Variants in ENTHD1 observed in about 807,000 individuals in gnomAD.
The protein encoded by ENTHD1 is ENTH domain containing 1.
A neutral mutation model predicts 39.1 loss-of-function variants in ENTHD1; 23 were observed. The ratio of observed to expected loss-of-function variants is 0.59; its 90% CI spans 0.42 to 0.83. ENTHD1 has a LOEUF of 0.83. Among genes scored for constraint, ENTHD1 ranks in the 40% least tolerant of loss-of-function variants. ENTHD1 has a pLI of 0.00. For synonymous variants in ENTHD1, 230 were observed against 258.2 expected, an observed-to-expected ratio of 0.89 and a Z score of 1.05; for missense variants, 624 against 705.4, an observed-to-expected ratio of 0.88 and a Z score of 1.31.
chr22:39,881,211 T>C (rs945731568), intron 2 of ENTHD1, among the ~76,000 whole-genome samples: 2 of 152,338 alleles, frequency 1.3e-5, no homozygotes, highest in African/African-American at 4.8e-5. Context: ...TGTCCTTCTA[T>C]AGCCTAGACA....
chr22:39,892,212 C>G (rs759320248), intron 1 of ENTHD1, among the ~76,000 whole-genome samples: 2 of 152,156 alleles, frequency 1.3e-5, no homozygotes, highest in Non-Finnish European at 2.9e-5. Context: ...CAAATGATTA[C>G]GTAGAAAAGG....
chr22:39,759,638 C>T (rs900702819), intron 6 of ENTHD1, among the ~76,000 whole-genome samples: 11 of 151,540 alleles, frequency 7.3e-5, no homozygotes, highest in Non-Finnish European at 1.5e-4. Flanking sequence ...TTCCTTTTTT[C>T]CAAGCATCTT....
chr22:39,776,510 G>A (rs2065366591), intron 5 of ENTHD1, among the ~76,000 whole-genome samples: 4 of 152,120 alleles, frequency 2.6e-5, no homozygotes, highest in Admixed American at 1.3e-4. Flanking sequence ...TTTTATACCT[G>A]CCAATATAAT....
chr22:39,808,087 G>A lies in ENTHD1; in HGVS notation c.832+12906C>T, dbSNP rs192856142. Among the ~76,000 whole-genome samples the A allele has an allele frequency of 3.7e-3, 561 of 152,146 alleles. 5 individuals carry two copies. The highest frequency in any genetic ancestry group is 0.012 in the African/African-American group (495 of 41,510). The stretch of plus-strand genomic sequence containing the variant: ...GCAAATTTTTAAAAATCTCTTTGTG[G>A]ACTTTCTTCATCTGTCTCATAAGAT... On this transcript the variant is annotated intron_variant, in intron 5 of 6. Transcript: ENST00000325157.
At chr22:39,840,758 T>A (rs1331285063) in intron 3 of ENTHD1, among the ~76,000 whole-genome samples, 2 of 150,032 alleles carry the variant, frequency 1.3e-5, no homozygotes, top group Admixed American at 6.6e-5. Context: ...TAGTTAAGCA[T>A]CTTTTTTTTT....
chr22:39,836,912 T>C (rs2065911231), intron 3 of ENTHD1, among the ~76,000 whole-genome samples: 1 of 152,222 alleles, frequency 6.6e-6, no homozygotes. Flanking sequence ...TCCTCAGCCA[T>C]GCTTCCTGTA....
chr22:39,885,386 A>AT (rs1190436068), intron 2 of ENTHD1, among the ~76,000 whole-genome samples: 4 of 152,222 alleles, frequency 2.6e-5, no homozygotes, highest in Admixed American at 2.6e-4. Context: ...AAACTGGGAC[A>AT]TTTTTAAACT....
intron 5 of ENTHD1, among the ~76,000 whole-genome samples, chr22:39,804,577 T>G (rs1208348841): frequency 6.6e-6 from 1 of 152,176 alleles, no homozygotes; most frequent in Non-Finnish European, 1.5e-5. Flanking sequence ...AATTTCTGAT[T>G]CATCCAATAT....
At chr22:39,850,412 C>T (rs2066025631) in intron 3 of ENTHD1, among the ~76,000 whole-genome samples, 1 of 152,094 alleles carries the variant, frequency 6.6e-6, no homozygotes, top group Non-Finnish European at 1.5e-5. Context: ...TACCTTTTTC[C>T]ATACATTGCT....
intron 6 of ENTHD1, among the ~76,000 whole-genome samples, chr22:39,749,784 G>A (rs1243177522): frequency 6.6e-6 from 1 of 152,216 alleles, no homozygotes; most frequent in Non-Finnish European, 1.5e-5. Context: ...TAGGTTAGCT[G>A]GGAACAGGAG....
chr22:39,749,409 A>C (rs2065131325), intron 6 of ENTHD1, among the ~76,000 whole-genome samples: 1 of 152,232 alleles, frequency 6.6e-6, no homozygotes, highest in Admixed American at 6.5e-5. Context: ...CTGATGTGTT[A>C]ACTTTAACTT....
chr22:39,822,193 C>G (rs78743043), intron 4 of ENTHD1, among the ~76,000 whole-genome samples: 1 of 117,760 alleles, frequency 8.5e-6, no homozygotes, highest in South Asian at 3.3e-4. Flanking sequence ...GCTGGTATGT[C>G]TTTTTTTTTT....
chr22:39,843,412 A>G (rs2065961200), intron 3 of ENTHD1, among the ~76,000 whole-genome samples: 1 of 140,248 alleles, frequency 7.1e-6, no homozygotes, highest in Non-Finnish European at 1.5e-5. Flanking sequence ...TTGAACAATG[A>G]GATCACATGG....
intron 3 of ENTHD1, among the ~76,000 whole-genome samples, chr22:39,840,710 A>C (rs573172021): frequency 2.6e-5 from 4 of 152,268 alleles, no homozygotes; most frequent in African/African-American, 9.6e-5. Context: ...AGAATTGTGA[A>C]TTTGGAACCT....
intron 4 of ENTHD1, among the ~76,000 whole-genome samples, chr22:39,832,898 C>T (rs2065880851): frequency 6.6e-6 from 1 of 152,176 alleles, no homozygotes; most frequent in Non-Finnish European, 1.5e-5. Context: ...TAATGACACT[C>T]CATTTGCTGC....
intron 5 of ENTHD1, among the ~76,000 whole-genome samples, chr22:39,766,090 T>A (rs1351953869): frequency 2.1e-5 from 3 of 143,984 alleles, no homozygotes; most frequent in African/African-American, 7.6e-5. Flanking sequence ...ATAAAGAATG[T>A]CTTCTTCCAC....
At chr22:39,881,052 A>C (rs1196185119) in intron 2 of ENTHD1, among the ~76,000 whole-genome samples, 1 of 152,198 alleles carries the variant, frequency 6.6e-6, no homozygotes, top group Non-Finnish European at 1.5e-5. Context: ...AGATTAAATG[A>C]ATTCATACAT....
At chr22:39,862,533 C>T (rs1042123626) in intron 2 of ENTHD1, among the ~76,000 whole-genome samples, 3 of 135,976 alleles carry the variant, frequency 2.2e-5, no homozygotes, top group African/African-American at 5.6e-5. Flanking sequence ...GGCAAGAGAG[C>T]GAGACTCTGT....
chr22:39,779,589 C>T (rs1461221643), intron 5 of ENTHD1, among the ~76,000 whole-genome samples: 4 of 151,686 alleles, frequency 2.6e-5, no homozygotes, highest in Middle Eastern at 3.4e-3. Context: ...GGTATAAAAC[C>T]CACTGGCAAA....
Sources: gnomAD v4.1 joint callset for allele counts (sites outside exome capture counted in the v4.1 genomes callset) on GRCh38, gnomAD v4.1.1 for gene constraint, MANE v1.5 for transcripts, NCBI Gene and HGNC (gene_info 2026-07-23, HGNC 2026-07-21) for gene names.